The following ADGRF5 variants were observed in gnomAD, a reference collection of about 807,000 sequenced individuals.
The protein encoded by ADGRF5 is G-protein coupled receptor 116.
In ADGRF5, 75 loss-of-function variants were observed where a neutral mutation model predicts 132.3. The ratio of observed to expected loss-of-function variants is 0.57; its 90% CI spans 0.47 to 0.69. The LOEUF (loss-of-function observed/expected upper bound fraction) is 0.69. Among genes scored for constraint, ADGRF5 ranks in the 30% least tolerant of loss-of-function variants. The pLI, the probability that ADGRF5 is intolerant of heterozygous loss-of-function variation, is 0.00. For synonymous variants in ADGRF5, 629 were observed against 597.6 expected (o/e 1.05, Z -0.77); for missense variants, 1,516 against 1,630.6 (o/e 0.93, Z 1.21).
rs1324580750 is a variant in ADGRF5, at chr6:46,853,957, C to T, written c.*35G>A. 12 of 1,422,010 alleles carry T rather than the reference C, an allele frequency of 8.4e-6. No individual in the cohort carries two copies. The highest frequency in any genetic ancestry group is 1.8e-5 in the Admixed American group (1 of 56,600). The allele number at this position is 1,422,010 out of a possible 1,614,324, so 88.1% of individuals were successfully genotyped here. A position where few individuals can be genotyped will look rare whatever the true frequency, so the allele number is the denominator to read the frequency against. The stretch of plus-strand genomic sequence containing the variant: ...CTCTTTTTAAAAGCACAGCCACTGT[C>T]CCCGGGAGGTCACGTAGGTTGGATT... On this transcript the variant is annotated 3_prime_UTR_variant, in exon 21 of 21. Coordinates refer to ENST00000283296, the MANE Select transcript of ADGRF5 (RefSeq NM_001098518.2).
intron 14 of ADGRF5, among the ~76,000 whole-genome samples, chr6:46,863,874 T>C (rs1770070343): frequency 6.6e-6 from 1 of 152,168 alleles, no homozygotes; most frequent in Non-Finnish European, 1.5e-5. Flanking sequence ...AGATGAGTGA[T>C]GGGGAAAAGA....
At chr6:46,927,891 G>C (rs1209005573) in intron 1 of ADGRF5, among the ~76,000 whole-genome samples, 2 of 152,150 alleles carry the variant, frequency 1.3e-5, no homozygotes, top group Admixed American at 1.3e-4. Flanking sequence ...AAGCTTTATT[G>C]CAGAAGTTTC....
chr6:46,952,441 C>T (rs1319453056), intron 1 of ADGRF5, among the ~76,000 whole-genome samples: 1 of 152,068 alleles, frequency 6.6e-6, no homozygotes, highest in Admixed American at 6.6e-5. Context: ...TCCTTGACTT[C>T]GAGTGGCAGA....
chr6:46,869,995 C>A (rs531461079), intron 11 of ADGRF5, among the ~76,000 whole-genome samples: 3 of 151,842 alleles, frequency 2.0e-5, no homozygotes, highest in Non-Finnish European at 4.4e-5. Context: ...ATGAGCTTCC[C>A]ACTATTTTTG....
At chr6:46,928,749 C>A (rs192688728) in intron 1 of ADGRF5, among the ~76,000 whole-genome samples, 1 of 152,224 alleles carries the variant, frequency 6.6e-6, no homozygotes, top group Admixed American at 6.5e-5. Context: ...AAATGCTCAC[C>A]ATCACTGGCC....
chr6:46,954,384 T>C (rs1250185482), intron 1 of ADGRF5, among the ~76,000 whole-genome samples: 2 of 147,518 alleles, frequency 1.4e-5, no homozygotes, highest in African/African-American at 2.5e-5. Context: ...TAGAGGTCTA[T>C]ACTATTAAAA....
intron 1 of ADGRF5, among the ~76,000 whole-genome samples, chr6:46,920,868 A>C (rs1022020457): frequency 6.6e-6 from 1 of 152,196 alleles, no homozygotes; most frequent in Non-Finnish European, 1.5e-5. Context: ...ATCTCAAAAA[A>C]ATAAAAATAA....
intron 20 of ADGRF5, chr6:46,854,615 G>A (rs1768824480): frequency 1.6e-6 from 1 of 615,062 alleles, no homozygotes; most frequent in Non-Finnish European, 2.7e-6. Flanking sequence ...CAGCCTCAGA[G>A]CAACTGCACA....
At chr6:46,897,650 C>T (rs1278107069) in intron 3 of ADGRF5, among the ~76,000 whole-genome samples, 1 of 152,190 alleles carries the variant, frequency 6.6e-6, no homozygotes, top group African/African-American at 2.4e-5. Flanking sequence ...TCTCAGCTCA[C>T]TGCAACCTCC....
chr6:46,894,979 C>T (rs146005997), intron 3 of ADGRF5, among the ~76,000 whole-genome samples: 310 of 152,224 alleles, frequency 2.0e-3, no homozygotes, highest in African/African-American at 7.2e-3. Flanking sequence ...GAGATGGAGA[C>T]CATCCTGGCC....
In ADGRF5 at chr6:46,863,742, ATCT is replaced by A. The variant is rs150426553; in HGVS notation, c.1991-649_1991-647del. Reference sequence around the variant, plus strand: ...ACCAACACTTTTCTTTAACATTAAGATCTTAACCACTGTATATAAATCTTAAAT... The same window carrying A: ...ACCAACACTTTTCTTTAACATTAAGATAACCACTGTATATAAATCTTAAAT... On this transcript the variant is annotated intron_variant, in intron 14 of 20. Transcript: ENST00000283296. Among the ~76,000 whole-genome samples the A allele has an allele frequency of 4.8e-3, 733 of 152,336 alleles. 2 individuals are homozygous for A. Among genetic ancestry groups the A allele is most frequent in the Non-Finnish European group, 8.2e-3 (561 of 68,030 alleles).
intron 8 of ADGRF5, among the ~76,000 whole-genome samples, chr6:46,880,730 T>C (rs1430338591): frequency 6.6e-6 from 1 of 152,130 alleles, no homozygotes; most frequent in African/African-American, 2.4e-5. Flanking sequence ...TTGGAGAAAC[T>C]GTAGCTCTTA....
rs1776968539 is a variant in ADGRF5 at position 46,921,725 on chromosome 6, G to A, written c.-37C>T. The A allele has an allele frequency of 6.6e-6, 1 of 152,272 alleles. No homozygotes were observed. Among genetic ancestry groups the A allele is most frequent in the African/African-American group, 2.4e-5 (1 of 41,464 alleles). The allele number at this position is 152,272 out of a possible 1,614,324, so 9.4% of individuals were successfully genotyped here. A position where few individuals can be genotyped will look rare whatever the true frequency, so the allele number is the denominator to read the frequency against. On this transcript the variant is annotated 5_prime_UTR_variant, in exon 1 of 21. Coordinates refer to ENST00000283296, the MANE Select transcript of ADGRF5 (RefSeq NM_001098518.2). ...AAATGTCTGTTACCTGTCCAGCACT[G>A]TGGTCCCCCGGCTGGCTCCCGCTCT...
At chr6:46,861,850 T>C (rs1483236443) in intron 15 of ADGRF5, among the ~76,000 whole-genome samples, 1 of 152,230 alleles carries the variant, frequency 6.6e-6, no homozygotes, top group African/African-American at 2.4e-5. Context: ...CCACATCGAG[T>C]TCAGATTACA....
chr6:46,881,358 G>C, intron 8 of ADGRF5, 97 bp downstream of exon 8: 1 of 1,039,214 alleles, frequency 9.6e-7, no homozygotes, highest in Non-Finnish European at 1.5e-6. Context: ...AGGAACTGGA[G>C]TGTCTAGCTT....
At chr6:46,872,885 T>C (rs1771243128) in intron 10 of ADGRF5, among the ~76,000 whole-genome samples, 1 of 152,228 alleles carries the variant, frequency 6.6e-6, no homozygotes, top group Admixed American at 6.5e-5. Context: ...CGTAAATGTG[T>C]CTTTTTCAGC....
intron 6 of ADGRF5, among the ~76,000 whole-genome samples, chr6:46,882,969 T>A (rs139525970): frequency 6.6e-6 from 1 of 152,212 alleles, no homozygotes; most frequent in South Asian, 2.1e-4. Context: ...CTGTGCCACA[T>A]CCATTGGGAA....
At chr6:46,929,812 T>C (rs1443009999) in intron 1 of ADGRF5, among the ~76,000 whole-genome samples, 1 of 151,136 alleles carries the variant, frequency 6.6e-6, no homozygotes, top group East Asian at 2.0e-4. Flanking sequence ...TTTATTTTGT[T>C]ATTATTATTT....
chr6:46,949,819 AAGTAACCCATAATTTAGTTAAAG>A (rs1778430393), intron 1 of ADGRF5, among the ~76,000 whole-genome samples: 1 of 152,196 alleles, frequency 6.6e-6, no homozygotes, highest in Admixed American at 6.5e-5. Flanking sequence ...GCAGCACAAG[AAGTAACCCATAATTTAGTTAAAG>A]AGTAACCCAA....
Sources: allele counts gnomAD v4.1 joint callset (sites outside exome capture counted in the v4.1 genomes callset), GRCh38; gene constraint gnomAD v4.1.1; transcripts MANE v1.5; gene names NCBI Gene and HGNC (gene_info 2026-07-23, HGNC 2026-07-21).